GPC3: variants seen among roughly 807,000 people sequenced by gnomAD.
The protein encoded by GPC3 is glypican 3.
A neutral mutation model predicts 34.4 loss-of-function variants in GPC3; 3 were observed. The observed-to-expected ratio is 0.09, with a 90% confidence interval of 0.04 to 0.23. The LOEUF (loss-of-function observed/expected upper bound fraction) is 0.23. GPC3 is among the 10% of genes least tolerant of loss of function. GPC3 has a pLI of 1.00. For synonymous variants in GPC3, 177 were observed against 174.0 expected (o/e 1.02, Z -0.13); for missense variants, 351 against 445.6 (o/e 0.79, Z 1.91).
intron 6 of GPC3, among the ~76,000 whole-genome samples, chrX:133,655,209 T>C (rs964825180): frequency 1.8e-5 from 2 of 111,374 alleles, no homozygotes; most frequent in African/African-American, 6.5e-5. Flanking sequence ...TATATAGTAA[T>C]TAAGATATTA....
intron 6 of GPC3, among the ~76,000 whole-genome samples, chrX:133,650,475 A>G (rs1325428449): frequency 1.8e-5 from 2 of 110,266 alleles, no homozygotes; most frequent in East Asian, 5.7e-4. Flanking sequence ...ACACACACAC[A>G]CACACACACA....
intron 2 of GPC3, among the ~76,000 whole-genome samples, chrX:133,935,636 T>C (rs1301044957): frequency 9.0e-6 from 1 of 111,490 alleles, no homozygotes; most frequent in African/African-American, 3.3e-5. Flanking sequence ...TATTTGAAAA[T>C]CATTCGTTTT....
chrX:133,969,309 A>G (rs1205766754), intron 1 of GPC3, among the ~76,000 whole-genome samples: 1 of 111,734 alleles, frequency 8.9e-6, no homozygotes, highest in African/African-American at 3.3e-5. Flanking sequence ...GCTTACCTAA[A>G]TGAGAAAAGC....
chrX:133,541,696 A>G (rs148274952), intron 7 of GPC3, among the ~76,000 whole-genome samples: 180 of 111,664 alleles, frequency 1.6e-3, no homozygotes, highest in African/African-American at 5.4e-3. Flanking sequence ...TGTGTGTTGA[A>G]AAGTTTTTCT....
intron 2 of GPC3, among the ~76,000 whole-genome samples, chrX:133,817,858 C>A (rs1489152172): frequency 9.2e-6 from 1 of 109,258 alleles, no homozygotes; most frequent in African/African-American, 3.3e-5. Flanking sequence ...CCTGTGATCA[C>A]CCCCAATTTC....
intron 3 of GPC3, among the ~76,000 whole-genome samples, chrX:133,730,109 C>T (rs778826749): frequency 8.9e-6 from 1 of 111,838 alleles, no homozygotes; most frequent in East Asian, 2.8e-4. Context: ...TTCTATAATT[C>T]AATTGTACTA....
chrX:133,845,847 A>C (rs1185943427), intron 2 of GPC3, among the ~76,000 whole-genome samples: 1 of 111,791 alleles, frequency 8.9e-6, no homozygotes, highest in African/African-American at 3.2e-5. Context: ...AAATATTAAG[A>C]GACACTTTTT....
chrX:133,672,631 G>A (rs1361421519), intron 5 of GPC3, among the ~76,000 whole-genome samples: 5 of 111,625 alleles, frequency 4.5e-5, no homozygotes, highest in Non-Finnish European at 9.4e-5. Flanking sequence ...AAAAGGACAC[G>A]ATCTTTACCT....
intron 1 of GPC3, among the ~76,000 whole-genome samples, chrX:133,967,458 G>A (rs780376800): frequency 1.3e-4 from 14 of 111,780 alleles, no homozygotes; most frequent in African/African-American, 3.9e-4. Context: ...GGTAGCACCA[G>A]GAGGGCTCTA....
At chrX:133,821,680 C>A (rs1603254044) in intron 2 of GPC3, among the ~76,000 whole-genome samples, 1 of 111,431 alleles carries the variant, frequency 9.0e-6, no homozygotes, top group Non-Finnish European at 1.9e-5. Flanking sequence ...ATCTTTATAT[C>A]CATCATGGGC....
At chrX:133,828,595 T>A (rs776023173) in intron 2 of GPC3, among the ~76,000 whole-genome samples, 4 of 111,640 alleles carry the variant, frequency 3.6e-5, no homozygotes, top group African/African-American at 1.3e-4. Flanking sequence ...TTTATTAAAG[T>A]CTCCAATTAA....
intron 1 of GPC3, among the ~76,000 whole-genome samples, chrX:133,981,346 A>G (rs2076538007): frequency 8.9e-6 from 1 of 111,787 alleles, no homozygotes; most frequent in Non-Finnish European, 1.9e-5. Context: ...CCCAGCACCT[A>G]TTACAGAGGC....
intron 2 of GPC3, among the ~76,000 whole-genome samples, chrX:133,784,172 G>A (rs1192465835): frequency 2.7e-5 from 3 of 111,572 alleles, no homozygotes; most frequent in African/African-American, 6.5e-5. Flanking sequence ...AAGCTGCTGC[G>A]CCTTTTTAAG....
intron 6 of GPC3, among the ~76,000 whole-genome samples, chrX:133,641,555 C>T (rs1392985643): frequency 9.1e-6 from 1 of 109,606 alleles, no homozygotes; most frequent in Non-Finnish European, 1.9e-5. Flanking sequence ...AAGAGAGAGG[C>T]CAGGGGATGG....
At chrX:133,973,047 G>T (rs984074348) in intron 1 of GPC3, among the ~76,000 whole-genome samples, 33 of 111,068 alleles carry the variant, frequency 3.0e-4, no homozygotes, top group African/African-American at 1.0e-3. Context: ...AAGGGCAAAA[G>T]ACAAACACTA....
intron 7 of GPC3, among the ~76,000 whole-genome samples, chrX:133,554,691 C>T (rs754993270): frequency 9.0e-6 from 1 of 110,679 alleles, no homozygotes; most frequent in South Asian, 3.9e-4. Flanking sequence ...TGCTCTGGCT[C>T]ATACCCCTGC....
chrX:133,797,350 T>C (rs2075587034), intron 2 of GPC3, among the ~76,000 whole-genome samples: 1 of 111,175 alleles, frequency 9.0e-6, no homozygotes, highest in South Asian at 3.9e-4. Flanking sequence ...CTAGAGGTGA[T>C]TGGATGACTA....
chrX:133,884,683 T>C (rs1418801212), intron 2 of GPC3, among the ~76,000 whole-genome samples: 1 of 111,654 alleles, frequency 9.0e-6, no homozygotes, highest in African/African-American at 3.3e-5. Flanking sequence ...TCAGGAATAT[T>C]AACAGACCAG....
intron 2 of GPC3, among the ~76,000 whole-genome samples, chrX:133,792,171 C>G (rs1348069625): frequency 9.0e-6 from 1 of 110,918 alleles, no homozygotes; most frequent in Admixed American, 9.6e-5. Context: ...ATAGTACTTA[C>G]CATAAATTTA....
Sources: allele counts gnomAD v4.1 joint callset (sites outside exome capture counted in the v4.1 genomes callset), GRCh38; gene constraint gnomAD v4.1.1; transcripts MANE v1.5; gene names NCBI Gene and HGNC (gene_info 2026-07-23, HGNC 2026-07-21).